The following HPCAL1 variants were observed in gnomAD, a reference collection of about 807,000 sequenced individuals.
HPCAL1 encodes the protein hippocalcin-like protein 1.
A neutral mutation model predicts 17.1 loss-of-function variants in HPCAL1; 8 were observed. The observed-to-expected ratio is 0.47, with a 90% CI of 0.27 to 0.84. The LOEUF is 0.84. HPCAL1 is among the 40% of genes least tolerant of loss of function. The probability of loss-of-function intolerance (pLI) is 0.13; values close to 1 mark genes in which losing one functional copy is unlikely to be tolerated. For missense variants in HPCAL1, 165 were observed against 271.1 expected (o/e 0.61, Z 2.75); for synonymous variants, 112 against 111.4 (o/e 1.01, Z -0.03).
In HPCAL1 at chr2:10,426,733, C is replaced by T. The variant is rs1309543328; in HGVS notation, c.494C>T (p.Ser165Phe). ...QMDTNNDGKL[S>F]LEEFIRGAKS... Reference sequence around the variant, plus strand: ...CTCTGGTCCCCTGCAGGCAAACTGTCCTTGGAAGAATTCATCAGAGGTGCC... The same window carrying T: ...CTCTGGTCCCCTGCAGGCAAACTGTTCTTGGAAGAATTCATCAGAGGTGCC... Residue 165 changes from serine to phenylalanine, a missense_variant, in exon 5 of 5, where the codon TCC becomes TTC. Ser to Phe is a radical substitution (Grantham distance 155). Coordinates refer to ENST00000307845, the MANE Select transcript of HPCAL1 (RefSeq NM_002149.4). The T allele has an allele frequency of 6.2e-7, 1 of 1,613,140 alleles. No homozygotes were observed. Among genetic ancestry groups the T allele is most frequent in the Non-Finnish European group, 8.5e-7 (1 of 1,179,822 alleles).
chr2:10,359,089 A>G lies in HPCAL1; in HGVS notation c.-110-37746A>G. On this transcript the variant is annotated intron_variant, in intron 1 of 4. Transcript: ENST00000307845. This position sits in a 1 kb window ranked among gnomAD's most constrained non-coding sequence, Gnocchi z 4.1. ...GTTTGACCCGTCTGCATGCTCCCCT[A>G]GAGGTTTGAGCAGCGGGACACTGAC... Among the ~76,000 whole-genome samples, 1 of 147,774 alleles carries G rather than the reference A, an allele frequency of 6.8e-6. No homozygotes were observed. The highest frequency in any genetic ancestry group is 2.6e-5 in the African/African-American group (1 of 38,566).
intron 1 of HPCAL1, among the ~76,000 whole-genome samples, chr2:10,326,600 G>T (rs1357746369): frequency 1.3e-5 from 2 of 152,228 alleles, no homozygotes; most frequent in Non-Finnish European, 2.9e-5. Flanking sequence ...GCACCAGCCA[G>T]CAGACTGGGT....
At position 10,419,968 on chromosome 2, in the gene HPCAL1, A is replaced by C. The variant is rs1474592878; in HGVS notation, c.211A>C (p.Thr71Pro). Residue 71 changes from threonine to proline, a missense_variant, in exon 3 of 5, where the codon ACC (threonine) becomes CCC (proline). Coordinates refer to ENST00000307845, the MANE Select transcript of HPCAL1 (RefSeq NM_002149.4). The surrounding 1 kb of genome is among the most constrained non-coding windows in gnomAD (Gnocchi z 5.0). ...CAAGTTCGCCGAGCACGTCTTCCGC[A>C]CCTTCGACACCAACGGCGACGGCAC... ...ASKFAEHVFR[T>P]FDTNGDGTID... 1 of 1,613,906 alleles carries C rather than the reference A, an allele frequency of 6.2e-7. No homozygotes were observed. Among genetic ancestry groups the C allele is most frequent in the Non-Finnish European group, 8.5e-7 (1 of 1,180,006 alleles).
At chr2:10,404,458 G>A (rs1035741360) in intron 2 of HPCAL1, among the ~76,000 whole-genome samples, 1 of 152,182 alleles carries the variant, frequency 6.6e-6, no homozygotes, top group African/African-American at 2.4e-5. Flanking sequence ...GCAAAATCCT[G>A]CAGAAAGCCT....
chr2:10,396,126 A>G (rs1158964171), intron 1 of HPCAL1, among the ~76,000 whole-genome samples: 1 of 152,166 alleles, frequency 6.6e-6, no homozygotes. Context: ...CCGCAATGCA[A>G]ATTTTCCTTC....
intron 1 of HPCAL1, among the ~76,000 whole-genome samples, chr2:10,357,097 A>G (rs1250845723): frequency 6.6e-6 from 1 of 152,100 alleles, no homozygotes. Flanking sequence ...TGGGTGACAC[A>G]GCGAGACTCT....
intron 2 of HPCAL1, among the ~76,000 whole-genome samples, chr2:10,409,645 C>T (rs1213529064): frequency 6.6e-6 from 1 of 152,164 alleles, no homozygotes; most frequent in Non-Finnish European, 1.5e-5. Flanking sequence ...CTTCCACCGG[C>T]CCCTTCTGCC....
chr2:10,349,970 C>A (rs1001534742), intron 1 of HPCAL1, among the ~76,000 whole-genome samples: 1 of 152,010 alleles, frequency 6.6e-6, no homozygotes, highest in Non-Finnish European at 1.5e-5. Context: ...AAATCCTTGC[C>A]GATTTCATAT....
chr2:10,370,601 A>T (rs540328207), intron 1 of HPCAL1, among the ~76,000 whole-genome samples: 1 of 152,336 alleles, frequency 6.6e-6, no homozygotes, highest in South Asian at 2.1e-4. Context: ...GCCCTCAGGC[A>T]AGGCTGCCCC....
At chr2:10,322,881 T>C (rs56726193) in intron 1 of HPCAL1, among the ~76,000 whole-genome samples, 29,203 of 152,162 alleles carry the variant, frequency 0.19, 3,853 homozygotes, top group African/African-American at 0.38. Flanking sequence ...CGTTTTATGT[T>C]GTTTGCAGCC....
intron 1 of HPCAL1, among the ~76,000 whole-genome samples, chr2:10,386,070 C>T (rs1439839515): frequency 2.0e-5 from 3 of 152,208 alleles, no homozygotes; most frequent in Non-Finnish European, 4.4e-5. Flanking sequence ...AGCCACATAA[C>T]GTCACAGTCG....
Position 10,419,622 on chromosome 2 carries a change from TG to T in HPCAL1, c.-24-111del, listed in dbSNP as rs1670905419. 5.9e-6 allele frequency: 6 copies of T among 1,020,654 alleles called. No individual in the cohort carries two copies. Among genetic ancestry groups the T allele is most frequent in the Middle Eastern group, 3.3e-4 (1 of 3,070 alleles). The allele number at this position is 1,020,654 out of a possible 1,614,324, so 63.2% of individuals were successfully genotyped here. On this transcript the variant is annotated intron_variant, in intron 2 of 4. Coordinates refer to ENST00000307845, the MANE Select transcript of HPCAL1 (RefSeq NM_002149.4). This position sits in a 1 kb window ranked among gnomAD's most constrained non-coding sequence, Gnocchi z 5.0. ...GCCTTCCGATGGGGGACCCGGGAGTTGCTGAGTCGCAGCGCTTGCACAGCGA... is the reference window on the plus strand; with the variant it reads ...GCCTTCCGATGGGGGACCCGGGAGTTCTGAGTCGCAGCGCTTGCACAGCGA...
chr2:10,407,776 C>T (rs1027997133), intron 2 of HPCAL1, among the ~76,000 whole-genome samples: 2 of 152,186 alleles, frequency 1.3e-5, no homozygotes, highest in Non-Finnish European at 2.9e-5. Flanking sequence ...GGCCCTGAGG[C>T]TGGAACACGC....
chr2:10,320,565 C>A (rs2125401727), intron 1 of HPCAL1, among the ~76,000 whole-genome samples: 1 of 152,352 alleles, frequency 6.6e-6, no homozygotes, highest in Non-Finnish European at 1.5e-5. Flanking sequence ...AACCTCTTTT[C>A]TTTATAAATT....
rs570019294 is a variant in HPCAL1, at chr2:10,344,423, C to A, written c.-111+41246C>A. Among the ~76,000 whole-genome samples, 1 of 152,354 alleles carries A rather than the reference C, an allele frequency of 6.6e-6. No individual in the cohort carries two copies. Among genetic ancestry groups the A allele is most frequent in the African/African-American group, 2.4e-5 (1 of 41,588 alleles). ...GCCCGTTTATCCAGGAAGCCAGAACCAGTGCACATCTGTTAAGCGCATGCA... is the reference window on the plus strand; with the variant it reads ...GCCCGTTTATCCAGGAAGCCAGAACAAGTGCACATCTGTTAAGCGCATGCA... On this transcript the variant is annotated intron_variant, in intron 1 of 4. Transcript: ENST00000307845. This position sits in a 1 kb window ranked among gnomAD's most constrained non-coding sequence, Gnocchi z 4.9.
chr2:10,340,276 A>T (rs1371992784), intron 1 of HPCAL1, among the ~76,000 whole-genome samples: 1 of 152,128 alleles, frequency 6.6e-6, no homozygotes, highest in Non-Finnish European at 1.5e-5. Flanking sequence ...GAAAGATATC[A>T]ATGCTTCCTT....
intron 4 of HPCAL1, chr2:10,426,477 G>A (rs114100629): frequency 9.6e-5 from 48 of 497,484 alleles, no homozygotes; most frequent in Admixed American, 6.4e-4. Flanking sequence ...CATCAGCCAC[G>A]TCCTGCTGAG....
At chr2:10,412,636 G>A (rs994939686) in intron 2 of HPCAL1, among the ~76,000 whole-genome samples, 3 of 152,206 alleles carry the variant, frequency 2.0e-5, no homozygotes, top group Non-Finnish European at 4.4e-5. Context: ...CCGGCTGTGT[G>A]CCCTGGAAGA....
chr2:10,308,437 C>T (rs982731180), intron 1 of HPCAL1, among the ~76,000 whole-genome samples: 9 of 152,144 alleles, frequency 5.9e-5, no homozygotes, highest in African/African-American at 1.7e-4. Context: ...GTCCTCAAGC[C>T]GCCAGTCCCC....
Sources: gnomAD v4.1 joint callset for allele counts (sites outside exome capture counted in the v4.1 genomes callset) on GRCh38, gnomAD v4.1.1 for gene constraint, Gnocchi (gnomAD v3.1) non-coding constraint, MANE v1.5 for transcripts, NCBI Gene and HGNC (gene_info 2026-07-23, HGNC 2026-07-21) for gene names.